Variants in SREBF2 observed in about 807,000 individuals in gnomAD.
SREBF2 encodes sterol regulatory element binding transcription factor 2.
Under a neutral mutation model 113.1 loss-of-function variants are expected in SREBF2, and 55 were observed. That is an observed-to-expected ratio of 0.49 (90% CI 0.39 to 0.61). The LOEUF (loss-of-function observed/expected upper bound fraction) is 0.61. Ranked by LOEUF, SREBF2 falls within the 20% of genes least tolerant of loss-of-function variation. SREBF2 has a pLI of 0.00. For synonymous variants in SREBF2, 593 were observed against 605.7 expected (o/e 0.98, Z 0.31); for missense variants, 1,349 against 1,487.4 (o/e 0.91, Z 1.53).
intron 1 of SREBF2, among the ~76,000 whole-genome samples, chr22:41,857,890 G>C (rs1327682343): frequency 6.6e-6 from 1 of 152,182 alleles, no homozygotes; most frequent in Non-Finnish European, 1.5e-5. Flanking sequence ...TGAAGGATGT[G>C]GTTGAAAGAG....
In SREBF2 at chr22:41,884,900, C is replaced by T. The variant is rs1420543576; in HGVS notation, c.2097C>T (p.Asn699=). 6.2e-7 allele frequency: 1 copy of T among 1,614,208 alleles called. No individual in the cohort carries two copies. Among genetic ancestry groups the T allele is most frequent in the Non-Finnish European group, 8.5e-7 (1 of 1,180,044 alleles). The change falls in exon 11 of 19, where the codon AAC becomes AAT. Residue 699 remains asparagine (N), a synonymous_variant. Transcript: ENST00000361204. ...SDVHMALCAV[N]LAECAEEKIP... is the part of the protein sequence containing the mutation. ...TACACATGGCGTTGTGTGCCGTGAACCTGGCTGAATGTGCAGAGGAGAAGA... is the reference window on the plus strand; with the variant it reads ...TACACATGGCGTTGTGTGCCGTGAATCTGGCTGAATGTGCAGAGGAGAAGA...
At chr22:41,875,814 G>T in intron 7 of SREBF2, 90 bp downstream of exon 7, 1 of 1,437,976 alleles carries the variant, frequency 7.0e-7, no homozygotes, top group South Asian at 1.2e-5. Flanking sequence ...AGGCCAGGCC[G>T]CATGTTAAGA....
Position 41,878,068 on chromosome 22 carries a change from G to A in SREBF2, c.1706G>A (p.Arg569His), listed in dbSNP as rs754206086. ...GAGCCAGTGATCCGGCCACACTCGCGCTCCTCGGTCACCTTCTGGAGGCAC... is the reference window on the plus strand; with the variant it reads ...GAGCCAGTGATCCGGCCACACTCGCACTCCTCGGTCACCTTCTGGAGGCAC... ...HGEPVIRPHS[R>H]SSVTFWRHRK... Residue 569 changes from arginine (R) to histidine (H), a missense_variant, in exon 9 of 19, where the codon CGC (arginine) becomes CAC (histidine). Around this residue, in one of 2 missense-constraint regions of SREBF2, gnomAD observed 699 missense variants for 843.3 expected, o/e 0.83. Coordinates refer to ENST00000361204, the MANE Select transcript of SREBF2 (RefSeq NM_004599.4). 8 of 1,614,056 alleles carry A rather than the reference G, an allele frequency of 5.0e-6. No individual in the cohort carries two copies. The highest frequency in any genetic ancestry group is 3.3e-5 in the South Asian group (3 of 91,086).
Position 41,905,904 on chromosome 22 carries a change from T to G in SREBF2, c.*244T>G, listed in dbSNP as rs2077504503. 1.5e-6 allele frequency: 1 copy of G among 678,176 alleles called. No homozygotes were observed. The highest frequency in any genetic ancestry group is 2.7e-6 in the Non-Finnish European group (1 of 370,440). The allele number at this position is 678,176 out of a possible 1,614,324, so 42.0% of individuals were successfully genotyped here. A position where few individuals can be genotyped will look rare whatever the true frequency, so the allele number is the denominator to read the frequency against. ...TGGCAGGGCAGAAACTGGGCAGCCC[T>G]GACTTGATAGCAGCAGGGGGAGCTC... is the stretch of plus-strand genomic sequence containing the variant. On this transcript the variant is annotated 3_prime_UTR_variant, in exon 19 of 19. Transcript: ENST00000361204.
intron 13 of SREBF2, among the ~76,000 whole-genome samples, chr22:41,895,973 C>G (rs988519149): frequency 5.9e-5 from 9 of 151,898 alleles, no homozygotes; most frequent in African/African-American, 2.2e-4. Flanking sequence ...GAAACCCCGT[C>G]TACTAAAAAT....
chr22:41,872,545 T>C (rs1434553051), intron 4 of SREBF2, among the ~76,000 whole-genome samples: 1 of 152,200 alleles, frequency 6.6e-6, no homozygotes, highest in Non-Finnish European at 1.5e-5. Flanking sequence ...ATTGGGCACC[T>C]TTTTATTTAT....
chr22:41,893,541 A>G (rs2077384337), intron 12 of SREBF2, among the ~76,000 whole-genome samples: 1 of 152,162 alleles, frequency 6.6e-6, no homozygotes, highest in African/African-American at 2.4e-5. Context: ...TTCAGAGCCC[A>G]TGGTCCTTAC....
rs1379549763 is a variant in SREBF2, at chr22:41,886,871, T to TA, written c.2208+1865dup. Among the ~76,000 whole-genome samples, 11 of 152,246 alleles carry TA rather than the reference T, an allele frequency of 7.2e-5. No homozygotes were observed. In the Middle Eastern group the frequency reaches 0.014, roughly 188 times the overall value. On this transcript the variant is annotated intron_variant, in intron 11 of 18. Coordinates refer to ENST00000361204, the MANE Select transcript of SREBF2 (RefSeq NM_004599.4). ...CAATATGATGAAACCCTGTCTCTAC[T>TA]AAAAATACAAAAATTAGCCAGGCGT...
intron 11 of SREBF2, among the ~76,000 whole-genome samples, chr22:41,892,742 C>T (rs2077376505): frequency 6.6e-6 from 1 of 152,090 alleles, no homozygotes; most frequent in Non-Finnish European, 1.5e-5. Context: ...GAAAGTACAG[C>T]AGCCAGGGGG....
Position 41,907,179 on chromosome 22 carries a change from A to ATTGT in SREBF2, c.*1523_*1526dup, listed in dbSNP as rs2077516882. 1 of 151,640 alleles carries ATTGT rather than the reference A, an allele frequency of 6.6e-6. No homozygotes were observed. The highest frequency in any genetic ancestry group is 2.4e-5 in the African/African-American group (1 of 41,166). The allele number at this position is 151,640 out of a possible 1,614,324, so 9.4% of individuals were successfully genotyped here. A position where few individuals can be genotyped will look rare whatever the true frequency, so the allele number is the denominator to read the frequency against. ...TGTATGTCCTGTGCCTTTTCTCACT[A>ATTGT]TTGTTTGGGTGTGGGAGGGGGTGGT... On this transcript the variant is annotated 3_prime_UTR_variant, in exon 19 of 19. Transcript: ENST00000361204.
intron 3 of SREBF2, 123 bp downstream of exon 3, chr22:41,868,915 G>A (rs2077113180): frequency 1.6e-5 from 20 of 1,265,542 alleles, no homozygotes; most frequent in Non-Finnish European, 1.8e-5. Flanking sequence ...CTTGTAGGGC[G>A]CCAGGATGCA....
In SREBF2 at chr22:41,868,672, G is replaced by T; in HGVS notation, c.600G>T (p.Gln200His). Residue 200 changes from glutamine to histidine, a missense_variant, in exon 3 of 19, where the codon CAG becomes CAT. Gln to His is a conservative substitution (Grantham distance 24). This residue lies in a region of SREBF2 where 699 missense variants were observed against 843.3 expected (regional missense o/e 0.83). Transcript: ENST00000361204. ...TSSQVQPVTIQQQVQTVQAQR... is the reference protein window; with the variant it reads ...TSSQVQPVTIHQQVQTVQAQR... Reference sequence around the variant, plus strand: ...CCCAGGTACAGCCGGTCACCATTCAGCAGCAGGTGCAGACAGTACAGGCCC... The same window carrying T: ...CCCAGGTACAGCCGGTCACCATTCATCAGCAGGTGCAGACAGTACAGGCCC... The T allele has an allele frequency of 6.2e-7, 1 of 1,614,250 alleles. No homozygotes were observed. Among genetic ancestry groups the T allele is most frequent in the Non-Finnish European group, 8.5e-7 (1 of 1,180,050 alleles).
intron 17 of SREBF2, among the ~76,000 whole-genome samples, chr22:41,903,733 A>C (rs1008999613): frequency 1.3e-4 from 20 of 152,248 alleles, no homozygotes; most frequent in African/African-American, 3.1e-4. Flanking sequence ...TAAAAATTTG[A>C]GTGAGATGAC....
rs1483379952 is a variant in SREBF2 at position 41,833,795 on chromosome 22, C to T, written c.88+437C>T. 1.3e-5 allele frequency: 2 copies of T among 157,706 alleles called. No individual in the cohort carries two copies. Among genetic ancestry groups the T allele is most frequent in the East Asian group, 3.7e-4 (2 of 5,438 alleles). 9.8% of individuals were successfully genotyped at this position (157,706 alleles called of 1,614,324 possible). On this transcript the variant is annotated intron_variant, in intron 1 of 18. Transcript: ENST00000361204. This position sits in a 1 kb window ranked among gnomAD's most constrained non-coding sequence, Gnocchi z 4.1. ...GGGGACGTCTTTGGGATTCCCGGGGCCCAGCCCCCAGTCTCCGCGCCCCGA... is the reference window on the plus strand; with the variant it reads ...GGGGACGTCTTTGGGATTCCCGGGGTCCAGCCCCCAGTCTCCGCGCCCCGA...
At chr22:41,843,739 A>G (rs879808521) in intron 1 of SREBF2, among the ~76,000 whole-genome samples, 1 of 152,106 alleles carries the variant, frequency 6.6e-6, no homozygotes, top group East Asian at 1.9e-4. Context: ...TCATACCTGT[A>G]ATCCTAGCAC....
chr22:41,877,167 T>C, intron 7 of SREBF2, 62 bp from the exon 8 acceptor site: 1 of 1,495,444 alleles, frequency 6.7e-7, no homozygotes, highest in African/African-American at 1.4e-5. Context: ...TATATATGTA[T>C]TTATAAAGTG....
chr22:41,878,606 G>A (rs1569397893), intron 9 of SREBF2: 1 of 1,178,014 alleles, frequency 8.5e-7, no homozygotes, highest in South Asian at 1.3e-5. Flanking sequence ...ATAGAACCAG[G>A]AAAGGTTTTT....
In SREBF2 at chr22:41,875,394, G is replaced by T. The variant is rs1220131748; in HGVS notation, c.1147G>T (p.Val383Phe). Residue 383 changes from valine to phenylalanine, a missense_variant, in exon 6 of 19, where the codon GTC becomes TTC. Physicochemically the swap from Val to Phe is conservative, Grantham distance 50. Transcript: ENST00000361204. Reference protein sequence around the residue: ...AIDYIKYLQQVNHKLRQENMV... With the variant: ...AIDYIKYLQQFNHKLRQENMV... ...TGATTACATCAAATACTTGCAGCAG[G>T]TCAATCATAAACTGCGCCAGGAGAA... is the stretch of plus-strand genomic sequence containing the variant. The T allele has an allele frequency of 8.7e-6, 14 of 1,614,174 alleles. No homozygotes were observed. The highest frequency in any genetic ancestry group is 3.3e-5 in the Admixed American group (2 of 60,024).
intron 1 of SREBF2, among the ~76,000 whole-genome samples, chr22:41,852,203 A>G (rs940104350): frequency 8.6e-5 from 13 of 151,018 alleles, no homozygotes; most frequent in Non-Finnish European, 1.5e-4. Flanking sequence ...GGGAGGAAGG[A>G]AAAAACCAGA....
Sources: allele counts gnomAD v4.1 joint callset (sites outside exome capture counted in the v4.1 genomes callset), GRCh38; gene constraint gnomAD v4.1.1; regional missense constraint gnomAD v4.1.1; non-coding constraint Gnocchi (gnomAD v3.1); transcripts MANE v1.5; gene names NCBI Gene and HGNC (gene_info 2026-07-23, HGNC 2026-07-21).